AKAP6: variants seen among roughly 807,000 people sequenced by gnomAD.
AKAP6 encodes the protein A-kinase anchor protein 6.
In AKAP6, 58 loss-of-function variants were observed where a neutral mutation model predicts 188.5. The ratio of observed to expected loss-of-function variants is 0.31; its 90% CI spans 0.25 to 0.38. The LOEUF (loss-of-function observed/expected upper bound fraction) is 0.38. Ranked by LOEUF, AKAP6 falls within the 10% of genes least tolerant of loss-of-function variation. The pLI is 1.00. For synonymous variants in AKAP6, 989 were observed against 998.6 expected (o/e 0.99, Z 0.18); for missense variants, 2,710 against 2,740.0 (o/e 0.99, Z 0.24).
chr14:32,438,323 G>A (rs566152934), intron 2 of AKAP6, among the ~76,000 whole-genome samples: 32 of 152,130 alleles, frequency 2.1e-4, no homozygotes, highest in African/African-American at 6.7e-4. Context: ...CCTTTTTGTT[G>A]TACTCCTTCT....
intron 12 of AKAP6, among the ~76,000 whole-genome samples, chr14:32,820,529 G>T (rs1192467145): frequency 6.6e-6 from 1 of 152,054 alleles, no homozygotes; most frequent in African/African-American, 2.4e-5. Flanking sequence ...GGTCAGGAAA[G>T]TCTTCAAATA....
rs1197814730 is a variant in AKAP6 at position 32,546,798 on chromosome 14, G to A, written c.2145G>A (p.Gly715=). 2 of 1,614,034 alleles carry A rather than the reference G, an allele frequency of 1.2e-6. No homozygotes were observed. Among genetic ancestry groups the A allele is most frequent in the Admixed American group, 3.3e-5 (2 of 60,008 alleles). The change falls in exon 4 of 14, where the codon GGG becomes GGA. Residue 715 remains glycine, a synonymous_variant. Coordinates refer to ENST00000280979, the MANE Select transcript of AKAP6 (RefSeq NM_004274.5). ...ASSLGESIES[G]PLSDILSDEE... ...CACTAGGGGAGAGCATTGAATCTGG[G>A]CCCCTGAGTGACATTCTTTCTGATG... is the stretch of plus-strand genomic sequence containing the variant.
chr14:32,814,475 A>T (rs2034326833), intron 12 of AKAP6, among the ~76,000 whole-genome samples: 1 of 152,162 alleles, frequency 6.6e-6, no homozygotes, highest in Non-Finnish European at 1.5e-5. Flanking sequence ...CCTATTCTGG[A>T]TACTTTATAT....
chr14:32,516,101 G>C (rs1881506991), intron 2 of AKAP6, among the ~76,000 whole-genome samples: 1 of 152,184 alleles, frequency 6.6e-6, no homozygotes, highest in South Asian at 2.1e-4. Context: ...GGCATACCTA[G>C]CATTAGAGTT....
At chr14:32,431,919 T>C (rs552673141) in intron 1 of AKAP6, among the ~76,000 whole-genome samples, 1 of 152,340 alleles carries the variant, frequency 6.6e-6, no homozygotes, top group South Asian at 2.1e-4. Flanking sequence ...AGGAGTAACT[T>C]AGTCTTAAGG....
At chr14:32,543,215 A>G (rs1366058806) in intron 3 of AKAP6, among the ~76,000 whole-genome samples, 1 of 152,000 alleles carries the variant, frequency 6.6e-6, no homozygotes, top group Admixed American at 6.6e-5. Flanking sequence ...ACCTTTCCCA[A>G]CCTCTAGTAA....
rs1883522557 is a variant in AKAP6 at position 32,552,542 on chromosome 14, AC to A, written c.2346+5546del. Among the ~76,000 whole-genome samples the A allele has an allele frequency of 2.0e-5, 3 of 152,136 alleles. No homozygotes were observed. In the South Asian group the frequency reaches 6.2e-4, roughly 31 times the overall value. On this transcript the variant is annotated intron_variant, in intron 4 of 13. Coordinates refer to ENST00000280979, the MANE Select transcript of AKAP6 (RefSeq NM_004274.5). The stretch of plus-strand genomic sequence containing the variant: ...GAATAATAAAGACTAAGGGGAAAAA[AC>A]CCAACAACCTTTAGATTTGTTTGAA...
chr14:32,822,093 A>C lies in AKAP6; in HGVS notation c.4280A>C (p.Gln1427Pro), dbSNP rs770707116. 1.2e-6 allele frequency: 2 copies of C among 1,613,992 alleles called. No individual in the cohort carries two copies. The highest frequency in any genetic ancestry group is 8.5e-7 in the Non-Finnish European group (1 of 1,179,950). Reference protein sequence around the residue: ...GESIKLPNSSQSSISPVGCVN... With the variant: ...GESIKLPNSSPSSISPVGCVN... ...AGCATTAAGCTTCCAAATAGCTCTC[A>C]GTCGTCCATTTCACCAGTGGGTTGT... The change falls in exon 13 of 14, where the codon CAG becomes CCG. Residue 1427 changes from glutamine to proline, a missense_variant. Gln to Pro is a moderately conservative substitution (Grantham distance 76). Coordinates refer to ENST00000280979, the MANE Select transcript of AKAP6 (RefSeq NM_004274.5).
intron 7 of AKAP6, among the ~76,000 whole-genome samples, chr14:32,676,775 T>A (rs1889444577): frequency 6.6e-6 from 1 of 152,190 alleles, no homozygotes; most frequent in Non-Finnish European, 1.5e-5. Flanking sequence ...ATTAAGTACT[T>A]ATAAAAAGCA....
At chr14:32,662,196 G>T (rs999942818) in intron 7 of AKAP6, among the ~76,000 whole-genome samples, 8 of 152,022 alleles carry the variant, frequency 5.3e-5, no homozygotes, top group African/African-American at 1.7e-4. Context: ...AAATTTTATA[G>T]TTCTCTTTAA....
At chr14:32,729,224 A>G (rs1465859318) in intron 9 of AKAP6, among the ~76,000 whole-genome samples, 1 of 152,054 alleles carries the variant, frequency 6.6e-6, no homozygotes, top group Non-Finnish European at 1.5e-5. Flanking sequence ...CACTGTTTCA[A>G]GGCATTGTTC....
Position 32,823,842 on chromosome 14 carries a change from G to A in AKAP6, c.6029G>A (p.Ser2010Asn). ...CTGAAATCATCTGATGATGCACCGAGTATGGCTGGAAAATCTGCTGGTTGT... is the reference window on the plus strand; with the variant it reads ...CTGAAATCATCTGATGATGCACCGAATATGGCTGGAAAATCTGCTGGTTGT... The part of the protein sequence containing the change: ...DALKSSDDAP[S>N]MAGKSAGCCL... Residue 2010 changes from serine to asparagine, a missense_variant, in exon 13 of 14, where the codon AGT becomes AAT. Transcript: ENST00000280979. 2.5e-6 allele frequency: 4 copies of A among 1,613,584 alleles called. No homozygotes were observed. Among genetic ancestry groups the A allele is most frequent in the Non-Finnish European group, 3.4e-6 (4 of 1,179,906 alleles).
rs747303853 is a variant in AKAP6 at position 32,599,363 on chromosome 14, T to C, written c.2470-47T>C. ...CAAGTAATTTTATATGGATGTTTTATGTGTAACTGCCTTGCCAGGGTTTAA... is the reference window on the plus strand; with the variant it reads ...CAAGTAATTTTATATGGATGTTTTACGTGTAACTGCCTTGCCAGGGTTTAA... On this transcript the variant is annotated intron_variant, in intron 5 of 13. Transcript: ENST00000280979. 9 of 1,503,192 alleles carry C rather than the reference T, an allele frequency of 6.0e-6. No individual in the cohort carries two copies. The African/African-American group carries it at 6.9e-5, about 12-fold the overall frequency. The allele number at this position is 1,503,192 out of a possible 1,614,324, so 93.1% of individuals were successfully genotyped here.
At chr14:32,701,326 A>G (rs1276673706) in intron 9 of AKAP6, among the ~76,000 whole-genome samples, 1 of 152,186 alleles carries the variant, frequency 6.6e-6, no homozygotes, top group Non-Finnish European at 1.5e-5. Context: ...CTAAAACATG[A>G]TCCCAATGTT....
At chr14:32,402,699 G>T (rs1435926508) in intron 1 of AKAP6, among the ~76,000 whole-genome samples, 2 of 151,602 alleles carry the variant, frequency 1.3e-5, no homozygotes, top group Non-Finnish European at 2.9e-5. Flanking sequence ...GCACATAGCA[G>T]TTGCTCAATA....
At chr14:32,780,298 A>G (rs1309355137) in intron 12 of AKAP6, among the ~76,000 whole-genome samples, 2 of 152,004 alleles carry the variant, frequency 1.3e-5, no homozygotes, top group Non-Finnish European at 2.9e-5. Flanking sequence ...CCAGACACAG[A>G]AAGAAAAATA....
chr14:32,560,604 T>C (rs1225075798), intron 4 of AKAP6, among the ~76,000 whole-genome samples: 1 of 152,248 alleles, frequency 6.6e-6, no homozygotes, highest in Non-Finnish European at 1.5e-5. Flanking sequence ...TATGATGCAA[T>C]AATATCTTGT....
intron 2 of AKAP6, among the ~76,000 whole-genome samples, chr14:32,534,690 G>A (rs1204255997): frequency 1.3e-5 from 2 of 152,068 alleles, no homozygotes; most frequent in African/African-American, 2.4e-5. Flanking sequence ...TTTAGGCTGG[G>A]TGCGGTGGCT....
At chr14:32,599,002 C>A (rs191997182) in intron 5 of AKAP6, among the ~76,000 whole-genome samples, 3 of 152,228 alleles carry the variant, frequency 2.0e-5, no homozygotes, top group Admixed American at 2.0e-4. Flanking sequence ...TATATGTGCA[C>A]ATAAGGCTAA....
Sources: gnomAD v4.1 joint callset for allele counts (sites outside exome capture counted in the v4.1 genomes callset) on GRCh38, gnomAD v4.1.1 for gene constraint, MANE v1.5 for transcripts, NCBI Gene and HGNC (gene_info 2026-07-23, HGNC 2026-07-21) for gene names.